MEF2A: variants seen among roughly 807,000 people sequenced by gnomAD.
MEF2A encodes myocyte enhancer factor 2A, also known as myocyte-specific enhancer factor 2A.
Under a neutral mutation model 55.8 loss-of-function variants are expected in MEF2A, and 28 were observed. The ratio of observed to expected loss-of-function variants is 0.50; its 90% CI spans 0.37 to 0.69. The LOEUF is 0.69. Ranked by LOEUF, MEF2A falls within the 30% of genes least tolerant of loss-of-function variation. MEF2A has a pLI of 0.00. For synonymous variants in MEF2A, 239 were observed against 227.1 expected, an observed-to-expected ratio of 1.05 and a Z score of -0.47; for missense variants, 528 against 626.2, an observed-to-expected ratio of 0.84 and a Z score of 1.67.
chr15:99,588,455 C>T (rs1010033834), intron 1 of MEF2A, among the ~76,000 whole-genome samples: 1 of 152,004 alleles, frequency 6.6e-6, no homozygotes, highest in Non-Finnish European at 1.5e-5. Context: ...GCACACACCA[C>T]CATGCCCAGC....
intron 4 of MEF2A, among the ~76,000 whole-genome samples, chr15:99,653,847 A>G (rs553530750): frequency 3.3e-5 from 5 of 152,234 alleles, no homozygotes; most frequent in East Asian, 1.9e-4. Flanking sequence ...CTTTGTTTTT[A>G]TATAAATTTT....
chr15:99,710,891 C>A (rs1442992312), intron 11 of MEF2A, 131 bp downstream of exon 11: 6 of 1,090,624 alleles, frequency 5.5e-6, no homozygotes, highest in Non-Finnish European at 6.4e-6. Flanking sequence ...CAGGTAGATA[C>A]AAGTGTCGGG....
chr15:99,683,683 T>TG (rs1461532600), intron 7 of MEF2A, among the ~76,000 whole-genome samples: 3 of 150,260 alleles, frequency 2.0e-5, no homozygotes, highest in Admixed American at 6.7e-5. Context: ...GGATTATACT[T>TG]GCGAGCCACC....
intron 4 of MEF2A, among the ~76,000 whole-genome samples, chr15:99,647,808 A>C (rs536662671): frequency 6.6e-6 from 1 of 152,314 alleles, no homozygotes; most frequent in South Asian, 2.1e-4. Context: ...AATACAGTAG[A>C]TAGAAGACAC....
chr15:99,566,242 G>A (rs1203619177), intron 1 of MEF2A, 138 bp downstream of exon 1: 1 of 150,892 alleles, frequency 6.6e-6, no homozygotes, highest in Non-Finnish European at 1.5e-5. Flanking sequence ...GGGTCGCCCG[G>A]GGGGCTCCGG....
chr15:99,638,442 C>T (rs551393130), intron 3 of MEF2A, among the ~76,000 whole-genome samples: 1 of 152,126 alleles, frequency 6.6e-6, no homozygotes, highest in East Asian at 1.9e-4. Context: ...GGTTTTGTAT[C>T]CCATACATTT....
chr15:99,709,645 G>A (rs1297074697), intron 10 of MEF2A, among the ~76,000 whole-genome samples: 1 of 152,234 alleles, frequency 6.6e-6, no homozygotes, highest in Non-Finnish European at 1.5e-5. Context: ...TGAGAAAGAA[G>A]ATAAAAGTAG....
chr15:99,599,340 G>A (rs1972240684), intron 2 of MEF2A, among the ~76,000 whole-genome samples: 1 of 152,030 alleles, frequency 6.6e-6, no homozygotes. Flanking sequence ...AGATATCATT[G>A]ATCCAGGCTG....
intron 2 of MEF2A, among the ~76,000 whole-genome samples, chr15:99,603,930 G>A (rs936489812): frequency 1.2e-4 from 18 of 152,062 alleles, no homozygotes; most frequent in Admixed American, 9.8e-4. Context: ...CTGTTACTAG[G>A]TGCATGCGTA....
intron 3 of MEF2A, among the ~76,000 whole-genome samples, chr15:99,643,297 GA>G (rs2045349803): frequency 6.6e-6 from 1 of 152,152 alleles, no homozygotes; most frequent in African/African-American, 2.4e-5. Context: ...TATGTAGAAG[GA>G]AAATCTCTGT....
At chr15:99,657,429 C>G (rs1201597087) in intron 4 of MEF2A, 1 of 151,610 alleles carries the variant, frequency 6.6e-6, no homozygotes. Context: ...TGGATCAACT[C>G]TTCTGTTGAA....
intron 8 of MEF2A, 92 bp downstream of exon 8, chr15:99,690,520 G>A (rs200976184): frequency 1.2e-5 from 12 of 1,007,148 alleles, no homozygotes; most frequent in Admixed American, 9.6e-5. Flanking sequence ...CTGTGCCACC[G>A]TAGAATCTAC....
chr15:99,592,528 A>G (rs1188026416), intron 1 of MEF2A, among the ~76,000 whole-genome samples: 6 of 152,190 alleles, frequency 3.9e-5, no homozygotes, highest in Non-Finnish European at 7.3e-5. Flanking sequence ...CTTAGACTGG[A>G]TAATTTATAA....
chr15:99,570,565 T>C (rs1451716416), intron 1 of MEF2A, among the ~76,000 whole-genome samples: 1 of 152,204 alleles, frequency 6.6e-6, no homozygotes, highest in African/African-American at 2.4e-5. Flanking sequence ...GCAGCATGCA[T>C]GTGCAGGTTG....
chr15:99,604,628 A>G (rs751194344), intron 2 of MEF2A, among the ~76,000 whole-genome samples: 7 of 150,718 alleles, frequency 4.6e-5, no homozygotes, highest in Admixed American at 4.0e-4. Context: ...TATATGGGCC[A>G]CATTTTTTTG....
chr15:99,646,920 G>A (rs1479210600), intron 4 of MEF2A, among the ~76,000 whole-genome samples: 1 of 152,044 alleles, frequency 6.6e-6, no homozygotes, highest in East Asian at 1.9e-4. Context: ...CATAATTACA[G>A]CTAGGACTCA....
chr15:99,571,809 CT>C (rs1440925304), intron 1 of MEF2A, among the ~76,000 whole-genome samples: 1 of 152,150 alleles, frequency 6.6e-6, no homozygotes, highest in East Asian at 1.9e-4. Flanking sequence ...AAGCCAAAAA[CT>C]TAAGATATTA....
Position 99,710,239 on chromosome 15 carries a change from G to T in MEF2A, c.1010-395G>T, listed in dbSNP as rs1296275682. ...AAGTATCTGGCTTCTCTCAATGTAG[G>T]AACTTTTTATTTTATTTTTTTTTGA... is the stretch of plus-strand genomic sequence containing the variant. On this transcript the variant is annotated intron_variant, in intron 10 of 11. Transcript: ENST00000557942. Among the ~76,000 whole-genome samples, 4 of 152,188 alleles carry T rather than the reference G, an allele frequency of 2.6e-5. No individual in the cohort carries two copies. In the East Asian group the frequency reaches 7.7e-4, roughly 29 times the overall value.
chr15:99,699,274 C>T (rs2057003638), intron 8 of MEF2A, among the ~76,000 whole-genome samples: 1 of 152,136 alleles, frequency 6.6e-6, no homozygotes. Context: ...TGTTTATTCA[C>T]CCAGCAATAC....
Sources: allele counts gnomAD v4.1 joint callset (sites outside exome capture counted in the v4.1 genomes callset), GRCh38; gene constraint gnomAD v4.1.1; transcripts MANE v1.5; gene names NCBI Gene and HGNC (gene_info 2026-07-23, HGNC 2026-07-21).